MYT1L: variants seen among roughly 807,000 people sequenced by gnomAD.
MYT1L encodes myelin transcription factor 1-like protein.
A neutral mutation model predicts 126.7 loss-of-function variants in MYT1L; 12 were observed. The observed-to-expected ratio is 0.09, with a 90% CI of 0.06 to 0.15. The LOEUF is 0.15. Ranked by LOEUF, MYT1L falls within the 10% of genes least tolerant of loss-of-function variation. The probability of loss-of-function intolerance (pLI) is 1.00; values close to 1 mark genes in which losing one functional copy is unlikely to be tolerated. For synonymous variants in MYT1L, 541 were observed against 604.2 expected (o/e 0.90, Z 1.53); for missense variants, 979 against 1,585.2 (o/e 0.62, Z 6.49).
At chr2:1,927,160 A>G (rs1367349861) in intron 9 of MYT1L, among the ~76,000 whole-genome samples, 1 of 152,218 alleles carries the variant, frequency 6.6e-6, no homozygotes, top group Non-Finnish European at 1.5e-5. Context: ...AAATCAGAGA[A>G]GAGCTGGCCC....
intron 4 of MYT1L, among the ~76,000 whole-genome samples, chr2:2,001,737 G>A (rs2062415480): frequency 6.6e-6 from 1 of 152,168 alleles, no homozygotes; most frequent in South Asian, 2.1e-4. Context: ...AAGTAAAATA[G>A]GGAACAACGT....
intron 2 of MYT1L, among the ~76,000 whole-genome samples, chr2:2,255,116 T>C (rs752131147): frequency 6.6e-6 from 1 of 152,214 alleles, no homozygotes; most frequent in African/African-American, 2.4e-5. Context: ...GATAATTTTA[T>C]AGAAAATAAA....
At chr2:1,970,678 C>T (rs1446881900) in intron 8 of MYT1L, among the ~76,000 whole-genome samples, 1 of 152,170 alleles carries the variant, frequency 6.6e-6, no homozygotes, top group Non-Finnish European at 1.5e-5. Flanking sequence ...TCCCTCTCTC[C>T]ACACTTCAAG....
At chr2:1,945,128 G>T (rs1039498604) in intron 8 of MYT1L, among the ~76,000 whole-genome samples, 1 of 152,182 alleles carries the variant, frequency 6.6e-6, no homozygotes, top group African/African-American at 2.4e-5. Flanking sequence ...AGCGGGGCTG[G>T]GCCAGGAGGT....
chr2:1,855,464 T>TA (rs2043794708), intron 18 of MYT1L, among the ~76,000 whole-genome samples: 1 of 152,210 alleles, frequency 6.6e-6, no homozygotes. Flanking sequence ...AAACGGCCTC[T>TA]CAGCTCCCTT....
intron 8 of MYT1L, among the ~76,000 whole-genome samples, chr2:1,968,122 G>A (rs945592518): frequency 6.6e-6 from 1 of 152,142 alleles, no homozygotes; most frequent in Admixed American, 6.5e-5. Flanking sequence ...CCCAGGGCCC[G>A]CAGCTGGGCC....
intron 21 of MYT1L, chr2:1,825,610 C>T (rs538274204): frequency 1.9e-4 from 29 of 152,252 alleles, no homozygotes; most frequent in African/African-American, 5.8e-4. Context: ...TATGGGAACC[C>T]GCTTTTAAAA....
intron 18 of MYT1L, among the ~76,000 whole-genome samples, chr2:1,854,464 T>C (rs1055062004): frequency 1.3e-5 from 2 of 152,160 alleles, no homozygotes; most frequent in East Asian, 1.9e-4. Context: ...TAACGGAAAA[T>C]AGCAAGTGTG....
chr2:1,845,009 C>T (rs767515699), intron 19 of MYT1L, among the ~76,000 whole-genome samples: 2 of 149,006 alleles, frequency 1.3e-5, no homozygotes, highest in African/African-American at 5.0e-5. Flanking sequence ...CAGAGTCTCT[C>T]GCTCTGCTGC....
chr2:2,246,963 A>T (rs2094546794), intron 2 of MYT1L, among the ~76,000 whole-genome samples: 1 of 152,210 alleles, frequency 6.6e-6, no homozygotes, highest in Admixed American at 6.5e-5. Context: ...ACAATTCCGT[A>T]GACTTCATAA....
chr2:2,092,630 G>A (rs1170847274), intron 3 of MYT1L, among the ~76,000 whole-genome samples: 1 of 152,188 alleles, frequency 6.6e-6, no homozygotes, highest in East Asian at 1.9e-4. Context: ...GTAAAGGGAA[G>A]TGCAATGAAA....
At chr2:2,048,127 T>C (rs1411026856) in intron 4 of MYT1L, among the ~76,000 whole-genome samples, 1 of 152,176 alleles carries the variant, frequency 6.6e-6, no homozygotes, top group Non-Finnish European at 1.5e-5. Context: ...TCTCATTTTG[T>C]GAAGCGGGGA....
chr2:2,238,916 G>A (rs1029209420), intron 2 of MYT1L, among the ~76,000 whole-genome samples: 2 of 152,168 alleles, frequency 1.3e-5, no homozygotes, highest in Non-Finnish European at 2.9e-5. Flanking sequence ...AATAGTAGCA[G>A]GTGCCAGGGT....
intron 18 of MYT1L, among the ~76,000 whole-genome samples, chr2:1,865,400 G>A (rs904724420): frequency 6.6e-6 from 1 of 152,172 alleles, no homozygotes; most frequent in African/African-American, 2.4e-5. Flanking sequence ...AGCCAGACCG[G>A]GTTTGGCCTG....
Position 1,943,443 on chromosome 2 carries a change from A to G in MYT1L, c.153-109T>C. 1 of 1,247,784 alleles carries G rather than the reference A, an allele frequency of 8.0e-7. No individual in the cohort carries two copies. Among genetic ancestry groups the G allele is most frequent in the Non-Finnish European group, 1.1e-6 (1 of 929,472 alleles). 77.3% of individuals were successfully genotyped at this position (1,247,784 alleles called of 1,614,324 possible). A position where few individuals can be genotyped will look rare whatever the true frequency, so the allele number is the denominator to read the frequency against. On this transcript the variant is annotated intron_variant, in intron 8 of 24. Coordinates refer to ENST00000647738, the MANE Select transcript of MYT1L (RefSeq NM_001303052.2). This position sits in a 1 kb window ranked among gnomAD's most constrained non-coding sequence, Gnocchi z 4.4. ...CCTTGATCAAGGTACTTAAAGGCTT[A>G]TCATGAATGTCATCAGCACAAACAC...
At chr2:2,010,797 G>A (rs2063749217) in intron 4 of MYT1L, among the ~76,000 whole-genome samples, 1 of 152,202 alleles carries the variant, frequency 6.6e-6, no homozygotes, top group Non-Finnish European at 1.5e-5. Flanking sequence ...TCAAGACAGA[G>A]TGGTGCCACA....
intron 4 of MYT1L, among the ~76,000 whole-genome samples, chr2:2,009,357 A>T (rs2063602135): frequency 6.6e-6 from 1 of 151,904 alleles, no homozygotes; most frequent in Admixed American, 6.6e-5. Flanking sequence ...CTTTTCATTT[A>T]TTTGTGCCTT....
chr2:1,905,324 T>G (rs751163822), intron 13 of MYT1L, among the ~76,000 whole-genome samples: 1 of 151,922 alleles, frequency 6.6e-6, no homozygotes, highest in African/African-American at 2.4e-5. Flanking sequence ...CATGTATTAG[T>G]GTTAGGTTCA....
In MYT1L at chr2:1,904,778, G is replaced by T. The variant is rs928458865; in HGVS notation, c.1818-1484C>A. On this transcript the variant is annotated intron_variant, in intron 13 of 24. Transcript: ENST00000647738. Reference sequence around the variant, plus strand: ...TCCCAGGCAGCTGGGATTACATCACGAACCACCACGCCTGGCTAATTTTTT... The same window carrying T: ...TCCCAGGCAGCTGGGATTACATCACTAACCACCACGCCTGGCTAATTTTTT... Among the ~76,000 whole-genome samples, 4 of 149,852 alleles carry T rather than the reference G, an allele frequency of 2.7e-5. No homozygotes were observed. The East Asian group carries it at 7.9e-4, about 30-fold the overall frequency.
Sources: gnomAD v4.1 joint callset for allele counts (sites outside exome capture counted in the v4.1 genomes callset) on GRCh38, gnomAD v4.1.1 for gene constraint, Gnocchi (gnomAD v3.1) non-coding constraint, MANE v1.5 for transcripts, NCBI Gene and HGNC (gene_info 2026-07-23, HGNC 2026-07-21) for gene names.